The following CHN2 variants were observed in gnomAD, a reference collection of about 807,000 sequenced individuals.
CHN2 encodes beta-chimaerin.
Under a neutral mutation model 56.3 loss-of-function variants are expected in CHN2, and 35 were observed. That is an observed-to-expected ratio of 0.62 (90% confidence interval 0.47 to 0.82). CHN2 has a LOEUF of 0.82. Ranked by LOEUF, CHN2 falls within the 40% of genes least tolerant of loss-of-function variation. The pLI, the probability that CHN2 is intolerant of heterozygous loss-of-function variation, is 0.00. For synonymous variants in CHN2, 210 were observed against 212.8 expected (o/e 0.99, Z 0.12); for missense variants, 491 against 580.5 (o/e 0.85, Z 1.58).
chr7:29,379,671 A>T (rs1338539285), intron 3 of CHN2, among the ~76,000 whole-genome samples: 1 of 152,216 alleles, frequency 6.6e-6, no homozygotes, highest in Non-Finnish European at 1.5e-5. Context: ...CGTCAAGAAG[A>T]AAAAATGAAG....
At chr7:29,430,559 T>G (rs558913189) in intron 6 of CHN2, among the ~76,000 whole-genome samples, 1 of 152,118 alleles carries the variant, frequency 6.6e-6, no homozygotes, top group South Asian at 2.1e-4. Flanking sequence ...CTTTTTTGAG[T>G]CTGCTCTAAA....
At chr7:29,178,380 C>T (rs1797630815) in intron 2 of CHN2, among the ~76,000 whole-genome samples, 1 of 152,144 alleles carries the variant, frequency 6.6e-6, no homozygotes, top group African/African-American at 2.4e-5. Context: ...CCTGGTCTTC[C>T]TCTGCGTGCG....
chr7:29,233,856 T>C (rs1306859081), intron 1 of CHN2, among the ~76,000 whole-genome samples: 16 of 110,064 alleles, frequency 1.5e-4, no homozygotes, highest in East Asian at 5.9e-4. Flanking sequence ...TTTTTTGAGA[T>C]GGAGTCTCGC....
At chr7:29,402,303 T>A (rs527394215) in intron 6 of CHN2, among the ~76,000 whole-genome samples, 4 of 152,246 alleles carry the variant, frequency 2.6e-5, no homozygotes, top group African/African-American at 9.6e-5. Flanking sequence ...GCTGGGCCCA[T>A]GAAAATATAA....
At chr7:29,354,201 C>T (rs1010433460) in intron 1 of CHN2, among the ~76,000 whole-genome samples, 15 of 152,248 alleles carry the variant, frequency 9.9e-5, no homozygotes, top group African/African-American at 3.4e-4. Context: ...TTTAATACTA[C>T]ATACTTGCCG....
chr7:29,269,176 C>A (rs939149887), intron 1 of CHN2, among the ~76,000 whole-genome samples: 3 of 152,082 alleles, frequency 2.0e-5, no homozygotes, highest in African/African-American at 7.2e-5. Context: ...TATTTTTGTG[C>A]CCGTGAACCT....
intron 6 of CHN2, among the ~76,000 whole-genome samples, chr7:29,433,732 G>A (rs985560029): frequency 1.3e-5 from 2 of 152,114 alleles, no homozygotes; most frequent in South Asian, 2.1e-4. Context: ...CCTGCTAGTC[G>A]GGAGGCTGAG....
intron 6 of CHN2, among the ~76,000 whole-genome samples, chr7:29,443,562 C>T (rs1783826762): frequency 6.6e-6 from 1 of 152,182 alleles, no homozygotes; most frequent in Non-Finnish European, 1.5e-5. Context: ...ATCATAGGTT[C>T]TACTCTTCTG....
At chr7:29,183,803 C>T (rs1448631108) in intron 2 of CHN2, among the ~76,000 whole-genome samples, 1 of 152,128 alleles carries the variant, frequency 6.6e-6, no homozygotes, top group African/African-American at 2.4e-5. Context: ...ATAGGAGATA[C>T]ATATGCAGTC....
At chr7:29,469,218 T>C (rs1287553018) in intron 6 of CHN2, among the ~76,000 whole-genome samples, 1 of 152,182 alleles carries the variant, frequency 6.6e-6, no homozygotes, top group East Asian at 1.9e-4. Flanking sequence ...ATTCTGGCCA[T>C]TCCTTATCAC....
At chr7:29,478,542 G>C (rs568153985) in intron 6 of CHN2, among the ~76,000 whole-genome samples, 1 of 152,302 alleles carries the variant, frequency 6.6e-6, no homozygotes, top group East Asian at 1.9e-4. Flanking sequence ...CAGCACATGG[G>C]TGTACCGAGG....
At chr7:29,407,747 C>T (rs1440133031) in intron 6 of CHN2, among the ~76,000 whole-genome samples, 2 of 152,198 alleles carry the variant, frequency 1.3e-5, no homozygotes, top group Non-Finnish European at 2.9e-5. Context: ...TACATCCGCT[C>T]ATGAGACTGG....
chr7:29,253,122 G>T (rs541429630), intron 1 of CHN2, among the ~76,000 whole-genome samples: 8 of 152,276 alleles, frequency 5.3e-5, no homozygotes, highest in African/African-American at 1.4e-4. Context: ...AACTATAGGG[G>T]CTTCATCAAA....
chr7:29,434,042 G>A (rs190560565), intron 6 of CHN2, among the ~76,000 whole-genome samples: 1 of 152,234 alleles, frequency 6.6e-6, no homozygotes, highest in African/African-American at 2.4e-5. Context: ...TTCCCTCTTG[G>A]CCATCTTTTC....
At chr7:29,252,574 C>CTTTGTTTTTGTT (rs1788659574) in intron 1 of CHN2, among the ~76,000 whole-genome samples, 1 of 19,284 alleles carries the variant, frequency 5.2e-5, no homozygotes, top group African/African-American at 2.6e-4. Flanking sequence ...AAATTGCATT[C>CTTTGTTTTTGTT]TTTGTTTTTT....
At chr7:29,185,716 G>GA (rs1798625223) in intron 2 of CHN2, 1 of 152,138 alleles carries the variant, frequency 6.6e-6, no homozygotes, top group Admixed American at 6.5e-5. Context: ...CCTTCTGAGT[G>GA]ATTCTCATAT....
At chr7:29,476,757 T>A (rs1212287657) in intron 6 of CHN2, among the ~76,000 whole-genome samples, 2 of 152,086 alleles carry the variant, frequency 1.3e-5, no homozygotes, top group African/African-American at 4.8e-5. Flanking sequence ...GGGGCTCTAC[T>A]GGCATCTAGT....
intron 6 of CHN2, among the ~76,000 whole-genome samples, chr7:29,462,224 C>G (rs565150801): frequency 1.3e-5 from 2 of 152,282 alleles, no homozygotes; most frequent in South Asian, 4.1e-4. Context: ...TGTGCTTGGT[C>G]CTCAAGGACA....
At chr7:29,453,286 TC>T (rs1389717964) in intron 6 of CHN2, among the ~76,000 whole-genome samples, 2 of 152,096 alleles carry the variant, frequency 1.3e-5, no homozygotes, top group African/African-American at 4.8e-5. Flanking sequence ...GAACATACCC[TC>T]CCCAGTCCCA....
Sources: allele counts gnomAD v4.1 joint callset (sites outside exome capture counted in the v4.1 genomes callset), GRCh38; gene constraint gnomAD v4.1.1; transcripts MANE v1.5; gene names NCBI Gene and HGNC (gene_info 2026-07-23, HGNC 2026-07-21).